MSH3: variants seen among roughly 807,000 people sequenced by gnomAD.
MSH3 encodes the protein mutS homolog 3.
In MSH3, 106 loss-of-function variants were observed where a neutral mutation model predicts 123.3. The observed-to-expected ratio is 0.86, with a 90% CI of 0.73 to 1.01. The LOEUF is 1.01. Ranked by LOEUF, MSH3 falls within the 50% of genes least tolerant of loss-of-function variation. MSH3 has a pLI of 0.00. For missense variants in MSH3, 1,459 were observed against 1,347.6 expected, an observed-to-expected ratio of 1.08 and a Z score of -1.29; for synonymous variants, 515 against 481.4, an observed-to-expected ratio of 1.07 and a Z score of -0.91.
chr5:80,814,378 TCTC>T (rs1336451945), intron 20 of MSH3, among the ~76,000 whole-genome samples: 1 of 152,162 alleles, frequency 6.6e-6, no homozygotes, highest in Non-Finnish European at 1.5e-5. Context: ...TTCAAGCTAT[TCTC>T]CTGCCTCAGC....
At chr5:80,764,347 C>T (rs1437811763) in intron 13 of MSH3, among the ~76,000 whole-genome samples, 1 of 151,692 alleles carries the variant, frequency 6.6e-6, no homozygotes, top group East Asian at 1.9e-4. Context: ...CTCAAGTGAG[C>T]TGATTCTGGT....
chr5:80,803,280 G>T (rs1408287264), intron 19 of MSH3, among the ~76,000 whole-genome samples: 1 of 152,122 alleles, frequency 6.6e-6, no homozygotes, highest in South Asian at 2.1e-4. Context: ...TTTGACTGGG[G>T]TGAGATGATA....
chr5:80,843,950 T>G (rs913132669), intron 20 of MSH3, among the ~76,000 whole-genome samples: 2 of 151,652 alleles, frequency 1.3e-5, no homozygotes, highest in African/African-American at 4.8e-5. Context: ...GCTTTTGAAT[T>G]TGTTTGCTCT....
intron 17 of MSH3, among the ~76,000 whole-genome samples, chr5:80,779,855 T>C (rs39628): frequency 0.85 from 128,547 of 152,052 alleles, 54,373 homozygotes; most frequent in East Asian, 1. Flanking sequence ...TGAGCCACTG[T>C]GCCGGCCAAA....
intron 17 of MSH3, among the ~76,000 whole-genome samples, chr5:80,779,269 A>G (rs980313180): frequency 2.6e-5 from 4 of 152,168 alleles, no homozygotes; most frequent in African/African-American, 4.8e-5. Context: ...CTGGGATTAC[A>G]GGCTTGAACC....
chr5:80,807,168 G>A (rs1165492327), intron 19 of MSH3, among the ~76,000 whole-genome samples: 1 of 137,212 alleles, frequency 7.3e-6, no homozygotes, highest in Non-Finnish European at 1.5e-5. Flanking sequence ...TCTAGCCCAG[G>A]TGACAGAGCA....
intron 13 of MSH3, among the ~76,000 whole-genome samples, chr5:80,767,013 G>A (rs926627521): frequency 6.6e-6 from 1 of 152,002 alleles, no homozygotes; most frequent in African/African-American, 2.4e-5. Context: ...TAAACATACT[G>A]TATATATTCA....
At chr5:80,798,640 C>T (rs1445368286) in intron 19 of MSH3, among the ~76,000 whole-genome samples, 1 of 152,124 alleles carries the variant, frequency 6.6e-6, no homozygotes, top group Non-Finnish European at 1.5e-5. Flanking sequence ...GAATCATGAG[C>T]CCATGGATTA....
At chr5:80,671,349 A>G (rs888041564) in intron 4 of MSH3, among the ~76,000 whole-genome samples, 1 of 152,128 alleles carries the variant, frequency 6.6e-6, no homozygotes, top group East Asian at 1.9e-4. Flanking sequence ...TGCTTCTTGG[A>G]TGGGAAGTAA....
At chr5:80,840,456 C>T (rs987451764) in intron 20 of MSH3, among the ~76,000 whole-genome samples, 1 of 151,824 alleles carries the variant, frequency 6.6e-6, no homozygotes, top group African/African-American at 2.4e-5. Context: ...CTCTGTTGCC[C>T]AGGCTGGAGG....
intron 12 of MSH3, among the ~76,000 whole-genome samples, chr5:80,756,975 C>T (rs936860547): frequency 9.2e-5 from 14 of 152,120 alleles, no homozygotes; most frequent in African/African-American, 7.2e-5. Flanking sequence ...TTAATCTACT[C>T]GTTCTGTGCT....
chr5:80,711,981 T>C (rs1166533928), intron 8 of MSH3, among the ~76,000 whole-genome samples: 3 of 152,138 alleles, frequency 2.0e-5, no homozygotes, highest in Non-Finnish European at 2.9e-5. Flanking sequence ...TGAGTTTTTA[T>C]TGAAAAAAAT....
At chr5:80,833,479 T>A (rs535178469) in intron 20 of MSH3, among the ~76,000 whole-genome samples, 1 of 152,358 alleles carries the variant, frequency 6.6e-6, no homozygotes, top group South Asian at 2.1e-4. Context: ...AGTCTCGCTC[T>A]GTCGCCAGGC....
At chr5:80,735,209 C>T (rs1236543663) in intron 10 of MSH3, among the ~76,000 whole-genome samples, 1 of 151,872 alleles carries the variant, frequency 6.6e-6, no homozygotes. Flanking sequence ...CATGGCGAAA[C>T]CCCGTCTCTA....
Position 80,654,734 on chromosome 5 carries a change from C to T in MSH3, c.7C>T (p.Arg3Cys), listed in dbSNP as rs774455792. 1 of 1,600,306 alleles carries T rather than the reference C, an allele frequency of 6.2e-7. No homozygotes were observed. Among genetic ancestry groups the T allele is most frequent in the South Asian group, 1.1e-5 (1 of 90,266 alleles). ...CTGCCATCCTTGCCCTGCCATGTCT[C>T]GCCGGAAGCCTGCGTCGGGCGGCCT... MS[R>C]RKPASGGLAA... The change falls in exon 1 of 24, where the codon CGC (arginine) becomes TGC (cysteine). Residue 3 changes from arginine to cysteine, a missense_variant. By Grantham distance (180) the Arg-to-Cys change is radical (BLOSUM62 -3). Coordinates refer to ENST00000265081, the MANE Select transcript of MSH3 (RefSeq NM_002439.5).
At chr5:80,799,032 T>G (rs1299165112) in intron 19 of MSH3, among the ~76,000 whole-genome samples, 3 of 152,214 alleles carry the variant, frequency 2.0e-5, no homozygotes, top group African/African-American at 2.4e-5. Context: ...GAGATTTAAA[T>G]TAAAATCCTG....
intron 8 of MSH3, among the ~76,000 whole-genome samples, chr5:80,713,368 G>A (rs879899621): frequency 4.6e-5 from 7 of 152,170 alleles, no homozygotes; most frequent in Admixed American, 4.6e-4. Context: ...CATGTGAAAA[G>A]GATTTCTTTT....
intron 21 of MSH3, among the ~76,000 whole-genome samples, chr5:80,863,406 C>T (rs2112116668): frequency 6.6e-6 from 1 of 152,216 alleles, no homozygotes; most frequent in African/African-American, 2.4e-5. Flanking sequence ...TGCAGTGGCT[C>T]ACACCTGTAA....
At chr5:80,659,131 G>A (rs193088086) in intron 2 of MSH3, among the ~76,000 whole-genome samples, 2 of 152,166 alleles carry the variant, frequency 1.3e-5, no homozygotes, top group East Asian at 3.9e-4. Context: ...CTACTCAGGA[G>A]GCTGAGGCGG....
Sources: allele counts gnomAD v4.1 joint callset (sites outside exome capture counted in the v4.1 genomes callset), GRCh38; gene constraint gnomAD v4.1.1; transcripts MANE v1.5; gene names NCBI Gene and HGNC (gene_info 2026-07-23, HGNC 2026-07-21).